The following CAPZB variants were observed in gnomAD, a reference collection of about 807,000 sequenced individuals.
CAPZB encodes capping actin protein of muscle Z-line subunit beta, also known as F-actin-capping protein subunit beta.
In CAPZB, 2 loss-of-function variants were observed where a neutral mutation model predicts 38.1. The ratio of observed to expected loss-of-function variants is 0.05; its 90% confidence interval spans 0.02 to 0.17. The LOEUF (loss-of-function observed/expected upper bound fraction) is 0.17, where lower values mean the gene tolerates loss of function less well. Among genes scored for constraint, CAPZB ranks in the 10% least tolerant of loss-of-function variants. The pLI is 1.00. For missense variants in CAPZB, 161 were observed against 334.2 expected (o/e 0.48, Z 4.04); for synonymous variants, 107 against 127.4 (o/e 0.84, Z 1.08).
chr1:19,373,047 T>C (rs1274764486), intron 4 of CAPZB, among the ~76,000 whole-genome samples: 1 of 152,158 alleles, frequency 6.6e-6, no homozygotes, highest in East Asian at 1.9e-4. Flanking sequence ...CAAGGCTGTT[T>C]GGGTAGTGAC....
At chr1:19,437,234 G>C (rs1033502375) in intron 1 of CAPZB, among the ~76,000 whole-genome samples, 6 of 152,170 alleles carry the variant, frequency 3.9e-5, no homozygotes, top group African/African-American at 1.2e-4. Context: ...AAGCTAGGAA[G>C]GCCTTCCATG....
At chr1:19,370,490 T>C (rs748874571) in intron 4 of CAPZB, among the ~76,000 whole-genome samples, 4 of 152,224 alleles carry the variant, frequency 2.6e-5, no homozygotes, top group African/African-American at 7.2e-5. Flanking sequence ...AGGGATGGGC[T>C]TGACGGCATG....
At chr1:19,367,257 G>A (rs1395972250) in intron 4 of CAPZB, among the ~76,000 whole-genome samples, 5 of 152,232 alleles carry the variant, frequency 3.3e-5, no homozygotes, top group Non-Finnish European at 7.3e-5. Flanking sequence ...CAAGCATGAG[G>A]AGATATAAGG....
intron 1 of CAPZB, among the ~76,000 whole-genome samples, chr1:19,471,631 A>G (rs916448604): frequency 2.9e-4 from 44 of 152,184 alleles, no homozygotes; most frequent in Admixed American, 9.8e-4. Context: ...TTGGGAGGTC[A>G]AGGTGGGCAG....
intron 1 of CAPZB, among the ~76,000 whole-genome samples, chr1:19,479,261 C>A (rs1462244630): frequency 2.0e-5 from 3 of 152,154 alleles, no homozygotes; most frequent in Non-Finnish European, 4.4e-5. Context: ...AGCTGCCATG[C>A]AGAGCCCGCC....
chr1:19,454,667 A>C (rs2094527469), intron 1 of CAPZB, among the ~76,000 whole-genome samples: 1 of 152,200 alleles, frequency 6.6e-6, no homozygotes, highest in Non-Finnish European at 1.5e-5. Flanking sequence ...GCCTGAGTGC[A>C]AGCTCGCAGT....
chr1:19,429,753 T>C (rs1358723722), intron 1 of CAPZB, among the ~76,000 whole-genome samples: 3 of 152,202 alleles, frequency 2.0e-5, no homozygotes, highest in East Asian at 3.8e-4. Context: ...CCATTCAGGC[T>C]GCCAGGAGTC....
chr1:19,443,058 C>T (rs1489825958), intron 1 of CAPZB, among the ~76,000 whole-genome samples: 2 of 152,162 alleles, frequency 1.3e-5, no homozygotes, highest in South Asian at 2.1e-4. Context: ...TCCTTCTCTA[C>T]AATGACCTTT....
At chr1:19,424,367 G>C (rs1163126527) in intron 1 of CAPZB, 2 of 152,198 alleles carry the variant, frequency 1.3e-5, no homozygotes, top group Non-Finnish European at 1.5e-5. Context: ...AAAGGTAATA[G>C]AAAAAACTAC....
chr1:19,341,961 A>C (rs183959152), intron 8 of CAPZB, among the ~76,000 whole-genome samples: 4 of 152,326 alleles, frequency 2.6e-5, no homozygotes, highest in East Asian at 1.9e-4. Flanking sequence ...GCAGGGTTCC[A>C]AATGCCTTCT....
chr1:19,409,845 T>C (rs1373715024), intron 2 of CAPZB, among the ~76,000 whole-genome samples: 2 of 152,258 alleles, frequency 1.3e-5, no homozygotes, highest in Middle Eastern at 3.2e-3. Context: ...CACTGGCTTA[T>C]GCACCTTCTA....
intron 8 of CAPZB, 30 bp downstream of exon 8, chr1:19,344,328 T>C (rs753105567): frequency 3.2e-5 from 51 of 1,574,498 alleles, no homozygotes; most frequent in Non-Finnish European, 4.5e-5. Flanking sequence ...CTCTGTCTGC[T>C]TCTAAAGCTT....
At chr1:19,353,996 C>G (rs1360112916) in intron 6 of CAPZB, among the ~76,000 whole-genome samples, 1 of 152,232 alleles carries the variant, frequency 6.6e-6, no homozygotes, top group Non-Finnish European at 1.5e-5. Context: ...CATGCACTTC[C>G]ATCTGACTAT....
intron 1 of CAPZB, among the ~76,000 whole-genome samples, chr1:19,463,823 A>G (rs774856392): frequency 2.0e-5 from 3 of 151,878 alleles, no homozygotes; most frequent in Non-Finnish European, 2.9e-5. Flanking sequence ...ATAATATTTC[A>G]CCCTCTATGT....
chr1:19,390,072 T>C (rs1305475689), intron 2 of CAPZB, among the ~76,000 whole-genome samples: 2 of 152,166 alleles, frequency 1.3e-5, no homozygotes, highest in African/African-American at 4.8e-5. Flanking sequence ...TGTAAGTGGA[T>C]ATTAATCCTG....
At chr1:19,450,012 C>T (rs560388599) in intron 1 of CAPZB, among the ~76,000 whole-genome samples, 8 of 150,870 alleles carry the variant, frequency 5.3e-5, no homozygotes, top group African/African-American at 9.7e-5. Flanking sequence ...CATGATGTTG[C>T]GCACCCGTAG....
chr1:19,467,218 A>G (rs1324716703), intron 1 of CAPZB, among the ~76,000 whole-genome samples: 1 of 152,188 alleles, frequency 6.6e-6, no homozygotes, highest in Non-Finnish European at 1.5e-5. Flanking sequence ...TTTTAAGGAA[A>G]GCCTCAAATA....
intron 3 of CAPZB, among the ~76,000 whole-genome samples, chr1:19,382,928 G>C (rs935280890): frequency 6.6e-6 from 1 of 152,136 alleles, no homozygotes; most frequent in African/African-American, 2.4e-5. Context: ...TGGTCTGTCA[G>C]ACCACTCACC....
In CAPZB at chr1:19,437,313, C is replaced by T. The variant is rs74811221; in HGVS notation, c.4-17563G>A. On this transcript the variant is annotated intron_variant, in intron 1 of 8. Transcript: ENST00000264202. The stretch of plus-strand genomic sequence containing the variant: ...AGAGAGGGAGAAATTTGAGAAGGTG[C>T]TGACCAGCTCAAAGACTGGGATATC... Among the ~76,000 whole-genome samples, 10 of 152,226 alleles carry T rather than the reference C, an allele frequency of 6.6e-5. No individual in the cohort carries two copies. The East Asian group carries it at 1.9e-3, about 29-fold the overall frequency.
Sources: gnomAD v4.1 joint callset for allele counts (sites outside exome capture counted in the v4.1 genomes callset) on GRCh38, gnomAD v4.1.1 for gene constraint, MANE v1.5 for transcripts, NCBI Gene and HGNC (gene_info 2026-07-23, HGNC 2026-07-21) for gene names.